MGAT5B: variants seen among roughly 807,000 people sequenced by gnomAD.
The protein encoded by MGAT5B is alpha-1,6-mannosylglycoprotein 6-beta-N-acetylglucosaminyltransferase B, also known as N-acetylglucosaminyl-transferase Vb.
A neutral mutation model predicts 95.1 loss-of-function variants in MGAT5B; 54 were observed. The observed-to-expected ratio is 0.57, with a 90% CI of 0.46 to 0.71. The LOEUF is 0.71. Ranked by LOEUF, MGAT5B falls within the 30% of genes least tolerant of loss-of-function variation. MGAT5B has a pLI of 0.00. For missense variants in MGAT5B, 935 were observed against 1,088.6 expected (o/e 0.86, Z 1.99); for synonymous variants, 464 against 451.0 (o/e 1.03, Z -0.36).
In MGAT5B at chr17:76,940,318, C is replaced by A. The variant is rs1567825366; in HGVS notation, c.1585-84C>A. 6.9e-7 allele frequency: 1 copy of A among 1,459,262 alleles called. No homozygotes were observed. Among genetic ancestry groups the A allele is most frequent in the Non-Finnish European group, 9.1e-7 (1 of 1,097,260 alleles). 90.4% of individuals were successfully genotyped at this position (1,459,262 alleles called of 1,614,324 possible). ...GCTGCCTCCTGTGAATATCCCGAAG[C>A]CTCACCTTGTCCCCGGCATCCTGGT... On this transcript the variant is annotated intron_variant, in intron 13 of 17. Transcript: ENST00000569840. This position sits in a 1 kb window ranked among gnomAD's most constrained non-coding sequence, Gnocchi z 4.3.
rs1969754350 is a variant in MGAT5B, at chr17:76,938,685, C to T, written c.1584+542C>T. Among the ~76,000 whole-genome samples, 1 of 152,082 alleles carries T rather than the reference C, an allele frequency of 6.6e-6. No individual in the cohort carries two copies. Among genetic ancestry groups the T allele is most frequent in the Admixed American group, 6.5e-5 (1 of 15,274 alleles). Reference sequence around the variant, plus strand: ...AGCCAGCTTCTAGGCACCCCCTCACCCTCTTTTTTATGAGACAGGGTCTTG... The same window carrying T: ...AGCCAGCTTCTAGGCACCCCCTCACTCTCTTTTTTATGAGACAGGGTCTTG... On this transcript the variant is annotated intron_variant, in intron 13 of 17. Transcript: ENST00000569840. The surrounding 1 kb of genome is among the most constrained non-coding windows in gnomAD (Gnocchi z 4.3).
At chr17:76,897,709 CTTTCTTTCTTTCTTTCTTTTTCTTTTTT>C (rs1567800277) in intron 3 of MGAT5B, among the ~76,000 whole-genome samples, 2 of 92,994 alleles carry the variant, frequency 2.2e-5, no homozygotes, top group African/African-American at 1.2e-4. Context: ...TTCTTTCTTT[CTTTCTTTCTTTCTTTCTTTTTCTTTTTT>C]TTTTTTTTTT....
Position 76,918,373 on chromosome 17 carries a change from A to G in MGAT5B, c.1026-6593A>G, listed in dbSNP as rs1182023868. Among the ~76,000 whole-genome samples the G allele has an allele frequency of 1.3e-5, 2 of 152,216 alleles. No individual in the cohort carries two copies. Among genetic ancestry groups the G allele is most frequent in the Non-Finnish European group, 1.5e-5 (1 of 68,026 alleles). ...CTGAACCCTCGAGGGCACAGGGTAC[A>G]TGCTGGGGATGCTCAAGGGCATCGC... is the stretch of plus-strand genomic sequence containing the variant. On this transcript the variant is annotated intron_variant, in intron 8 of 17. Coordinates refer to ENST00000569840, the MANE Select transcript of MGAT5B (RefSeq NM_001199172.2). This position sits in a 1 kb window ranked among gnomAD's most constrained non-coding sequence, Gnocchi z 5.1.
rs1357478674 is a variant in MGAT5B at position 76,946,376 on chromosome 17, G to A, written c.1849G>A (p.Val617Ile). 6.2e-7 allele frequency: 1 copy of A among 1,606,316 alleles called. No homozygotes were observed. Among genetic ancestry groups the A allele is most frequent in the African/African-American group, 1.3e-5 (1 of 74,568 alleles). Residue 617 changes from valine to isoleucine, a missense_variant and splice_region_variant, in exon 16 of 18, where the codon GTA (valine) becomes ATA (isoleucine). Transcript: ENST00000569840. ...ATGTGTCTGCCCATCCCTCCCACAG[G>A]TAGACCCCTACCTACCCTACGAGTA... Reference protein sequence around the residue: ...AAIKAIMRTQVDPYLPYEYTC... With the variant: ...AAIKAIMRTQIDPYLPYEYTC...
At chr17:76,945,164 C>T (rs1225447986) in intron 15 of MGAT5B, among the ~76,000 whole-genome samples, 3 of 145,244 alleles carry the variant, frequency 2.1e-5, no homozygotes, top group East Asian at 1.9e-4. Context: ...GTTAAGAAGT[C>T]GGGGGGAGGC....
At chr17:76,923,344 G>T (rs918512638) in intron 8 of MGAT5B, among the ~76,000 whole-genome samples, 1 of 151,684 alleles carries the variant, frequency 6.6e-6, no homozygotes. Context: ...GTCCCTGAAG[G>T]GCCTCCCTAG....
chr17:76,935,896 ATATATACAT>A (rs1344641394), intron 12 of MGAT5B, among the ~76,000 whole-genome samples: 1 of 51,024 alleles, frequency 2.0e-5, no homozygotes, highest in East Asian at 3.5e-4. Context: ...TTATATAATT[ATATATACAT>A]TATATATATT....
At chr17:76,945,583 C>T (rs970679947) in intron 15 of MGAT5B, among the ~76,000 whole-genome samples, 18 of 152,198 alleles carry the variant, frequency 1.2e-4, no homozygotes, top group Non-Finnish European at 1.8e-4. Flanking sequence ...GCCACCGTGC[C>T]GGGCTAACTA....
chr17:76,869,160 G>A lies in MGAT5B; in HGVS notation c.68+63G>A, dbSNP rs1018862748. ...GCGCCGGGTGGAGGTGGGCGAGGTC[G>A]GTTCCTGCGAACGTTCAAGTCCTGG... On this transcript the variant is annotated intron_variant, in intron 1 of 17. Coordinates refer to ENST00000569840, the MANE Select transcript of MGAT5B (RefSeq NM_001199172.2). This position sits in a 1 kb window ranked among gnomAD's most constrained non-coding sequence, Gnocchi z 7.0. The A allele has an allele frequency of 2.8e-6, 4 of 1,448,062 alleles. No homozygotes were observed. The highest frequency in any genetic ancestry group is 1.1e-5 in the South Asian group (1 of 87,594). The allele number at this position is 1,448,062 out of a possible 1,614,324, so 89.7% of individuals were successfully genotyped here.
At chr17:76,932,967 T>C (rs535750261) in intron 11 of MGAT5B, among the ~76,000 whole-genome samples, 192 bp downstream of exon 11, 7 of 152,376 alleles carry the variant, frequency 4.6e-5, no homozygotes, top group African/African-American at 1.4e-4. Context: ...GCCTAGGAGC[T>C]GACAGCTTGT....
chr17:76,914,016 A>G lies in MGAT5B; in HGVS notation c.1025+7829A>G, dbSNP rs1175107433. ...CTCAGGCGACTGAGGAAGGAGGATCACTTGAGCCTGGGAAGTCGAGGCTAC... is the reference window on the plus strand; with the variant it reads ...CTCAGGCGACTGAGGAAGGAGGATCGCTTGAGCCTGGGAAGTCGAGGCTAC... On this transcript the variant is annotated intron_variant, in intron 8 of 17. Coordinates refer to ENST00000569840, the MANE Select transcript of MGAT5B (RefSeq NM_001199172.2). This position sits in a 1 kb window ranked among gnomAD's most constrained non-coding sequence, Gnocchi z 5.1. 1 of 329,940 alleles carries G rather than the reference A, an allele frequency of 3.0e-6. No homozygotes were observed. The highest frequency in any genetic ancestry group is 7.6e-5 in the East Asian group (1 of 13,160). 20.4% of individuals were successfully genotyped at this position (329,940 alleles called of 1,614,324 possible). A position where few individuals can be genotyped will look rare whatever the true frequency, so the allele number is the denominator to read the frequency against.
chr17:76,887,469 C>T (rs1598905864), intron 3 of MGAT5B, among the ~76,000 whole-genome samples: 1 of 102,656 alleles, frequency 9.7e-6, no homozygotes, highest in African/African-American at 4.1e-5. Context: ...CTCCCTCCCT[C>T]CCTTCCTCCC....
rs923726254 is a variant in MGAT5B at position 76,915,725 on chromosome 17, C to T, written c.1026-9241C>T. ...TGGCAGCTCTCCTGCATCACCCTCCCCGTTCCAAGAGGAGGCACGAGAGGC... is the reference window on the plus strand; with the variant it reads ...TGGCAGCTCTCCTGCATCACCCTCCTCGTTCCAAGAGGAGGCACGAGAGGC... On this transcript the variant is annotated intron_variant, in intron 8 of 17. Transcript: ENST00000569840. The surrounding 1 kb of genome is among the most constrained non-coding windows in gnomAD (Gnocchi z 8.7). Among the ~76,000 whole-genome samples, 3 of 152,238 alleles carry T rather than the reference C, an allele frequency of 2.0e-5. No individual in the cohort carries two copies. Among genetic ancestry groups the T allele is most frequent in the Non-Finnish European group, 4.4e-5 (3 of 68,042 alleles).
At chr17:76,893,134 T>C (rs1967939759) in intron 3 of MGAT5B, among the ~76,000 whole-genome samples, 1 of 152,082 alleles carries the variant, frequency 6.6e-6, no homozygotes. Flanking sequence ...AGTGGCTCAG[T>C]GATACCCTTT....
intron 10 of MGAT5B, among the ~76,000 whole-genome samples, chr17:76,929,377 A>G (rs1969414084): frequency 6.6e-6 from 1 of 152,146 alleles, no homozygotes; most frequent in African/African-American, 2.4e-5. Context: ...CTCAAGTGAA[A>G]TGTCTCCTCT....
At chr17:76,932,603 GT>G (rs768034765) in intron 10 of MGAT5B, 41 bp from the exon 11 acceptor site, 1 of 1,611,190 alleles carries the variant, frequency 6.2e-7, no homozygotes, top group Non-Finnish European at 8.5e-7. Context: ...GCTGCCCTTG[GT>G]TGTTTGGTGA....
intron 3 of MGAT5B, among the ~76,000 whole-genome samples, chr17:76,901,051 T>C (rs1294772049): frequency 1.3e-5 from 2 of 152,176 alleles, no homozygotes; most frequent in Admixed American, 6.5e-5. Context: ...CACTTCGGTG[T>C]CTGCTTTGCT....
chr17:76,937,293 T>C (rs1185829145), intron 12 of MGAT5B, among the ~76,000 whole-genome samples: 1 of 151,984 alleles, frequency 6.6e-6, no homozygotes, highest in Non-Finnish European at 1.5e-5. Context: ...CCTCCTTCAG[T>C]GAAAGAAGGG....
At chr17:76,900,879 GTGTGTGTGCA>G (rs111356460) in intron 3 of MGAT5B, among the ~76,000 whole-genome samples, 30,559 of 151,194 alleles carry the variant, frequency 0.2, 5,039 homozygotes, top group African/African-American at 0.46. Context: ...GCATGTGTGC[GTGTGTGTGCA>G]TGTGTGTGCA....
Sources: gnomAD v4.1 joint callset for allele counts (sites outside exome capture counted in the v4.1 genomes callset) on GRCh38, gnomAD v4.1.1 for gene constraint, Gnocchi (gnomAD v3.1) non-coding constraint, MANE v1.5 for transcripts, NCBI Gene and HGNC (gene_info 2026-07-23, HGNC 2026-07-21) for gene names.